Variants in SLC7A8 observed in about 807,000 individuals in gnomAD.
SLC7A8 encodes the protein solute carrier family 7 member 8, also known as large neutral amino acids transporter small subunit 2.
A neutral mutation model predicts 51.2 loss-of-function variants in SLC7A8; 30 were observed. That is an observed-to-expected ratio of 0.59 (90% CI 0.44 to 0.80). The LOEUF (loss-of-function observed/expected upper bound fraction) is 0.80. SLC7A8 is among the 30% of genes least tolerant of loss of function. The pLI is 0.00. For missense variants in SLC7A8, 612 were observed against 674.4 expected, an observed-to-expected ratio of 0.91 and a Z score of 1.03; for synonymous variants, 257 against 275.8, an observed-to-expected ratio of 0.93 and a Z score of 0.67.
chr14:23,171,552 G>C (rs1476600643), intron 1 of SLC7A8, among the ~76,000 whole-genome samples: 1 of 152,162 alleles, frequency 6.6e-6, no homozygotes. Context: ...ATGCCCAACA[G>C]ACCCTCAGAT....
rs1337394945 is a variant in SLC7A8 at position 23,143,087 on chromosome 14, A to C, written c.626T>G (p.Ile209Arg). ...ALIIIMGIVQ[I>R]CKGEYFWLEP... is the part of the protein sequence containing the mutation. The stretch of plus-strand genomic sequence containing the variant: ...TTTCCTGCGATACTCACCTTTGCAT[A>C]TCTGTACAATCCCCATGATGATAAT... Residue 209 changes from isoleucine to arginine, a missense_variant, in exon 4 of 11, where the codon ATA becomes AGA. Ile to Arg is a moderately conservative substitution (Grantham distance 97, BLOSUM62 -3). Transcript: ENST00000316902. The C allele has an allele frequency of 6.2e-7, 1 of 1,614,180 alleles. No individual in the cohort carries two copies. Among genetic ancestry groups the C allele is most frequent in the Non-Finnish European group, 8.5e-7 (1 of 1,180,026 alleles).
At chr14:23,129,978 G>T in intron 8 of SLC7A8, 179 bp from the exon 9 acceptor site, 1 of 636,380 alleles carries the variant, frequency 1.6e-6, no homozygotes, top group Non-Finnish European at 2.6e-6. Context: ...TTATTGCTAG[G>T]AAATCCTTTC....
rs2048631884 is a variant in SLC7A8 at position 23,131,489 on chromosome 14, C to T, written c.1085G>A (p.Cys362Tyr). 2 of 1,608,300 alleles carry T rather than the reference C, an allele frequency of 1.2e-6. No homozygotes were observed. The highest frequency in any genetic ancestry group is 4.5e-5 in the East Asian group (2 of 44,340). Residue 362 changes from cysteine to tyrosine, a missense_variant, in exon 8 of 11, where the codon TGC becomes TAC. Transcript: ENST00000316902. ...GAAGAGCAGGGCTGGGATTGGGGTG[C>T]AGCGCTTCACGTGGATCATGGCCAA... ...SVLAMIHVKR[C>Y]TPIPALLFTC...
intron 3 of SLC7A8, among the ~76,000 whole-genome samples, chr14:23,148,726 C>T (rs1280939162): frequency 6.6e-6 from 1 of 152,134 alleles, no homozygotes; most frequent in Non-Finnish European, 1.5e-5. Flanking sequence ...GGGCCATGAG[C>T]CAAAGAATGT....
intron 1 of SLC7A8, among the ~76,000 whole-genome samples, chr14:23,179,595 C>A (rs867901402): frequency 3.3e-5 from 5 of 151,690 alleles, no homozygotes; most frequent in South Asian, 2.1e-4. Flanking sequence ...ATTTCTTGAG[C>A]CCAGGAGTTG....
In SLC7A8 at chr14:23,166,078, A is replaced by G. The variant is rs576830606; in HGVS notation, c.356+258T>C. The stretch of plus-strand genomic sequence containing the variant: ...TACACAGTTCTGTTTGCTCTCACTC[A>G]TAGACTCCTTCCCACTAAGATCAAC... On this transcript the variant is annotated intron_variant, in intron 2 of 10. Transcript: ENST00000316902. Among the ~76,000 whole-genome samples the G allele has an allele frequency of 9.8e-4, 149 of 152,262 alleles. No homozygotes were observed. In the Middle Eastern group the frequency reaches 0.014, roughly 14 times the overall value.
chr14:23,175,148 G>A (rs2048993184), intron 1 of SLC7A8, among the ~76,000 whole-genome samples: 1 of 152,186 alleles, frequency 6.6e-6, no homozygotes, highest in Non-Finnish European at 1.5e-5. Context: ...ATTTAACTCA[G>A]AAAAGTGTAT....
At chr14:23,160,308 ACAGCTGTAATCC>A (rs2048914518) in intron 3 of SLC7A8, among the ~76,000 whole-genome samples, 2 of 152,196 alleles carry the variant, frequency 1.3e-5, no homozygotes, top group Non-Finnish European at 2.9e-5. Flanking sequence ...GGGGTGGCTC[ACAGCTGTAATCC>A]CAGCACTTTG....
At chr14:23,154,427 C>T in intron 3 of SLC7A8, 1 of 991,218 alleles carries the variant, frequency 1.0e-6, no homozygotes, top group Non-Finnish European at 1.2e-6. Context: ...GAAGCCGGGC[C>T]TGTGGGGGCG....
intron 3 of SLC7A8, among the ~76,000 whole-genome samples, chr14:23,164,595 T>G (rs1402350381): frequency 1.4e-5 from 2 of 147,578 alleles, no homozygotes; most frequent in Non-Finnish European, 3.0e-5. Flanking sequence ...TCCAAGGAGC[T>G]ACTTAAGTTT....
At chr14:23,166,616 G>C in intron 1 of SLC7A8, 76 bp from the exon 2 acceptor site, 1 of 1,474,392 alleles carries the variant, frequency 6.8e-7, no homozygotes, top group Non-Finnish European at 9.4e-7. Flanking sequence ...TTGGAGGGTG[G>C]TCTCATTTCT....
chr14:23,155,163 T>A (rs1224360414), intron 3 of SLC7A8: 1 of 1,535,838 alleles, frequency 6.5e-7, no homozygotes, highest in African/African-American at 1.4e-5. Flanking sequence ...TCGAAGCACT[T>A]ACAACGTTTT....
chr14:23,133,275 AAAAAAT>A (rs1476849700), intron 7 of SLC7A8, among the ~76,000 whole-genome samples: 1 of 151,888 alleles, frequency 6.6e-6, no homozygotes, highest in African/African-American at 2.4e-5. Context: ...TTGTCTCTAC[AAAAAAT>A]AAAAATAAAA....
rs1594812758 is a variant in SLC7A8 at position 23,126,846 on chromosome 14, T to A, written c.*331A>T. 1 of 360,048 alleles carries A rather than the reference T, an allele frequency of 2.8e-6. No homozygotes were observed. Among genetic ancestry groups the A allele is most frequent in the East Asian group, 5.7e-5 (1 of 17,536 alleles). 22.3% of individuals were successfully genotyped at this position (360,048 alleles called of 1,614,324 possible). On this transcript the variant is annotated 3_prime_UTR_variant, in exon 11 of 11. Transcript: ENST00000316902. ...GCCTCCCTGGGAGGGAAGGCAGTAATGAGCTCCGGTTCCTGAAGAGGCAGC... is the reference window on the plus strand; with the variant it reads ...GCCTCCCTGGGAGGGAAGGCAGTAAAGAGCTCCGGTTCCTGAAGAGGCAGC...
intron 3 of SLC7A8, among the ~76,000 whole-genome samples, chr14:23,159,481 T>C (rs1182349365): frequency 6.6e-6 from 1 of 152,232 alleles, no homozygotes; most frequent in Non-Finnish European, 1.5e-5. Flanking sequence ...CCCGAAGAAC[T>C]CTCTGGGGAC....
At chr14:23,157,696 A>T (rs927214879) in intron 3 of SLC7A8, among the ~76,000 whole-genome samples, 1 of 151,440 alleles carries the variant, frequency 6.6e-6, no homozygotes, top group African/African-American at 2.4e-5. Context: ...ACCCCATTCT[A>T]CTCCACCCTC....
At chr14:23,129,988 C>G (rs1318228107) in intron 8 of SLC7A8, 189 bp from the exon 9 acceptor site, 1 of 610,614 alleles carries the variant, frequency 1.6e-6, no homozygotes, top group African/African-American at 1.9e-5. Flanking sequence ...GAAATCCTTT[C>G]TTATTACAGG....
At chr14:23,178,522 G>A (rs752083205) in intron 1 of SLC7A8, among the ~76,000 whole-genome samples, 1 of 151,990 alleles carries the variant, frequency 6.6e-6, no homozygotes, top group Non-Finnish European at 1.5e-5. Context: ...CCTAGAGTCG[G>A]TTAAATTCAA....
chr14:23,159,988 G>A (rs1489480277), intron 3 of SLC7A8, among the ~76,000 whole-genome samples: 1 of 152,198 alleles, frequency 6.6e-6, no homozygotes, highest in Non-Finnish European at 1.5e-5. Flanking sequence ...TCAGGGAGAA[G>A]TGGGGAACTT....
Sources: allele counts gnomAD v4.1 joint callset (sites outside exome capture counted in the v4.1 genomes callset), GRCh38; gene constraint gnomAD v4.1.1; transcripts MANE v1.5; gene names NCBI Gene and HGNC (gene_info 2026-07-23, HGNC 2026-07-21).